LTBP2: variants seen among roughly 807,000 people sequenced by gnomAD.
The protein encoded by LTBP2 is latent-transforming growth factor beta-binding protein 2.
Under a neutral mutation model 210.6 loss-of-function variants are expected in LTBP2, and 103 were observed. That is an observed-to-expected ratio of 0.49 (90% CI 0.42 to 0.58). The LOEUF (loss-of-function observed/expected upper bound fraction) is 0.58. LTBP2 is among the 20% of genes least tolerant of loss of function. The probability of loss-of-function intolerance (pLI) is 0.00; values close to 1 mark genes in which losing one functional copy is unlikely to be tolerated. For missense variants in LTBP2, 2,313 were observed against 2,494.5 expected, an observed-to-expected ratio of 0.93 and a Z score of 1.55; for synonymous variants, 1,007 against 1,015.0, an observed-to-expected ratio of 0.99 and a Z score of 0.15.
At chr14:74,506,887 G>GCA in intron 26 of LTBP2, 64 bp from the exon 27 acceptor site, 3 of 1,526,308 alleles carry the variant, frequency 2.0e-6, no homozygotes, top group African/African-American at 2.8e-5. Context: ...GTGCGCGCGC[G>GCA]CGTGTGTGCT....
intron 25 of LTBP2, 148 bp from the exon 26 acceptor site, chr14:74,507,458 G>T: frequency 9.1e-7 from 1 of 1,101,698 alleles, no homozygotes; most frequent in Non-Finnish European, 1.4e-6. Flanking sequence ...AGGTCAGGAC[G>T]ATTTCCCCTG....
chr14:74,610,707 G>A (rs948703542), intron 1 of LTBP2, among the ~76,000 whole-genome samples: 2 of 152,226 alleles, frequency 1.3e-5, no homozygotes, highest in Admixed American at 6.5e-5. Flanking sequence ...TGGGCAGGGG[G>A]TGGTGCCCAG....
intron 15 of LTBP2, among the ~76,000 whole-genome samples, chr14:74,524,548 A>G (rs994310081): frequency 4.6e-5 from 7 of 152,170 alleles, no homozygotes; most frequent in Admixed American, 4.6e-4. Context: ...TCCCCAGACA[A>G]TGAGCCTTTA....
rs550422596 is a variant in LTBP2, at chr14:74,561,179, G to A, written c.831-5486C>T. 9.9e-4 allele frequency among the ~76,000 whole-genome samples: 151 copies of A among 152,178 alleles called. No homozygotes were observed. The Middle Eastern group carries it at 0.01, about 10-fold the overall frequency. On this transcript the variant is annotated intron_variant, in intron 3 of 35. Transcript: ENST00000261978. ...CTAAAAATACAAAAATTAGCCGGGC[G>A]TGGTGGTGGGCACCTGTAGTCTCAG...
chr14:74,522,165 A>C, intron 16 of LTBP2, 126 bp from the exon 17 acceptor site: 1 of 1,123,656 alleles, frequency 8.9e-7, no homozygotes, highest in Non-Finnish European at 1.3e-6. Flanking sequence ...GGAAGGGGTG[A>C]GGGAGTGGAG....
intron 21 of LTBP2, 23 bp downstream of exon 21, chr14:74,509,711 C>T: frequency 6.2e-7 from 1 of 1,613,938 alleles, no homozygotes; most frequent in Non-Finnish European, 8.5e-7. Flanking sequence ...TGTCCCCTTC[C>T]ACCACTGCCT....
Position 74,522,847 on chromosome 14 carries a change from A to G in LTBP2, c.2602T>C (p.Tyr868His). ...TAGCCAGGGCTGCAGACACATCTGTATCCATCGGGGAGGTTCACGCAGGTT... is the reference window on the plus strand; with the variant it reads ...TAGCCAGGGCTGCAGACACATCTGTGTCCATCGGGGAGGTTCACGCAGGTT... ...PGTCVNLPDG[Y>H]RCVCSPGYQL... Residue 868 changes from tyrosine to histidine, a missense_variant, in exon 16 of 36, where the codon TAC becomes CAC. This residue lies in a region of LTBP2 where 1,867 missense variants were observed against 1,976.9 expected (regional missense o/e 0.94). Coordinates refer to ENST00000261978, the MANE Select transcript of LTBP2 (RefSeq NM_000428.3). 1.2e-6 allele frequency: 2 copies of G among 1,612,840 alleles called. No homozygotes were observed. The highest frequency in any genetic ancestry group is 2.2e-5 in the East Asian group (1 of 44,886).
intron 10 of LTBP2, among the ~76,000 whole-genome samples, chr14:74,529,868 C>T (rs1053699317): frequency 1.3e-5 from 2 of 152,136 alleles, no homozygotes; most frequent in Non-Finnish European, 2.9e-5. Context: ...GTCTGGAATC[C>T]GTAGAGGGCT....
In LTBP2 at chr14:74,500,879, G is replaced by T; in HGVS notation, c.*5C>A. The T allele has an allele frequency of 6.2e-7, 1 of 1,613,934 alleles. No homozygotes were observed. The highest frequency in any genetic ancestry group is 1.1e-5 in the South Asian group (1 of 91,072). On this transcript the variant is annotated 3_prime_UTR_variant, in exon 36 of 36. Coordinates refer to ENST00000261978, the MANE Select transcript of LTBP2 (RefSeq NM_000428.3). The stretch of plus-strand genomic sequence containing the variant: ...CCAGGTAGTTGCCACACTGACCCCT[G>T]ACTGCTACTCCTTGGCAGTGCAGTG...
intron 26 of LTBP2, 141 bp from the exon 27 acceptor site, chr14:74,506,964 C>G (rs2087000698): frequency 6.5e-7 from 1 of 1,540,642 alleles, no homozygotes. Flanking sequence ...TTATTAGCAC[C>G]AAGACCTGTG....
chr14:74,529,234 G>A (rs1457613514), intron 10 of LTBP2, 112 bp from the exon 11 acceptor site: 2 of 1,270,626 alleles, frequency 1.6e-6, no homozygotes, highest in Non-Finnish European at 1.1e-6. Context: ...AGACTGGCCT[G>A]GCCCATATCT....
chr14:74,540,906 A>C (rs2087498717), intron 8 of LTBP2, among the ~76,000 whole-genome samples: 1 of 97,092 alleles, frequency 1.0e-5, no homozygotes, highest in Non-Finnish European at 1.9e-5. Flanking sequence ...AAAAATATAT[A>C]TATTTAAAAT....
intron 9 of LTBP2, 147 bp downstream of exon 9, chr14:74,535,779 G>A: frequency 1.3e-6 from 1 of 746,640 alleles, no homozygotes; most frequent in South Asian, 1.5e-5. Flanking sequence ...TAGTCCCCTG[G>A]AATCAGCAGC....
At chr14:74,521,028 C>T (rs1012196368) in intron 17 of LTBP2, among the ~76,000 whole-genome samples, 1 of 152,254 alleles carries the variant, frequency 6.6e-6, no homozygotes, top group Non-Finnish European at 1.5e-5. Flanking sequence ...GATTCTCCCG[C>T]TCCTCCGTTA....
At chr14:74,521,842 C>T (rs1048641190) in intron 17 of LTBP2, 69 bp downstream of exon 17, 19 of 1,602,468 alleles carry the variant, frequency 1.2e-5, no homozygotes, top group African/African-American at 1.1e-4. Context: ...GGGGTGTGAA[C>T]CCCTGGTTCC....
In LTBP2 at chr14:74,499,252, C is replaced by G. The variant is rs773817321; in HGVS notation, c.*1632G>C. 1 of 216,572 alleles carries G rather than the reference C, an allele frequency of 4.6e-6. No individual in the cohort carries two copies. Among genetic ancestry groups the G allele is most frequent in the Non-Finnish European group, 9.3e-6 (1 of 107,418 alleles). 13.4% of individuals were successfully genotyped at this position (216,572 alleles called of 1,614,324 possible). A position where few individuals can be genotyped will look rare whatever the true frequency, so the allele number is the denominator to read the frequency against. On this transcript the variant is annotated 3_prime_UTR_variant, in exon 36 of 36. Transcript: ENST00000261978. ...ATGAGTGAAAGAATATTTTTACATGCGTAAGAGTGACTTATTTTTGTCTGC... is the reference window on the plus strand; with the variant it reads ...ATGAGTGAAAGAATATTTTTACATGGGTAAGAGTGACTTATTTTTGTCTGC...
At position 74,579,624 on chromosome 14, in the gene LTBP2, C is replaced by G. The variant is rs116954161; in HGVS notation, c.830+6230G>C. On this transcript the variant is annotated intron_variant, in intron 3 of 35. Coordinates refer to ENST00000261978, the MANE Select transcript of LTBP2 (RefSeq NM_000428.3). ...ATGCAGGCACATGCTGCCATACGCT[C>G]CCAGCAGTCCTGGCACTCACCACCT... 7.9e-5 allele frequency among the ~76,000 whole-genome samples: 12 copies of G among 152,360 alleles called. No individual in the cohort carries two copies. The East Asian group carries it at 2.3e-3, about 29-fold the overall frequency.
Position 74,551,231 on chromosome 14 carries a change from C to A in LTBP2, c.1519G>T (p.Val507Leu). ...AGCCAGGGCGGGGGTCTGGTCTCCA[C>A]GCTGTTCTCCACTAGGGCCTCCTCC... ...GVEEALVENSVETRPPPWLPA... is the reference protein window; with the variant it reads ...GVEEALVENSLETRPPPWLPA... The change falls in exon 7 of 36, where the codon GTG (valine) becomes TTG (leucine). Residue 507 changes from valine (V) to leucine (L), a missense_variant. Physicochemically the swap from Val to Leu is conservative, Grantham distance 32. Around this residue, in one of 3 missense-constraint regions of LTBP2, gnomAD observed 1,867 missense variants for 1,976.9 expected, o/e 0.94. Coordinates refer to ENST00000261978, the MANE Select transcript of LTBP2 (RefSeq NM_000428.3). The A allele has an allele frequency of 6.2e-7, 1 of 1,613,156 alleles. No homozygotes were observed. The highest frequency in any genetic ancestry group is 8.5e-7 in the Non-Finnish European group (1 of 1,179,852).
At chr14:74,589,860 G>C (rs1482573136) in intron 2 of LTBP2, among the ~76,000 whole-genome samples, 1 of 152,142 alleles carries the variant, frequency 6.6e-6, no homozygotes, top group Non-Finnish European at 1.5e-5. Context: ...CTGCCACAGA[G>C]ACCCAAAGCC....
Sources: allele counts gnomAD v4.1 joint callset (sites outside exome capture counted in the v4.1 genomes callset), GRCh38; gene constraint gnomAD v4.1.1; regional missense constraint gnomAD v4.1.1; transcripts MANE v1.5; gene names NCBI Gene and HGNC (gene_info 2026-07-23, HGNC 2026-07-21).